Variants in OSCP1 observed in about 807,000 individuals in gnomAD.
The protein encoded by OSCP1 is protein OSCP1.
OSCP1 carries 35 observed loss-of-function variants against 45.1 expected under a neutral mutation model. The ratio of observed to expected loss-of-function variants is 0.78; its 90% CI spans 0.59 to 1.03. The LOEUF is 1.03. OSCP1 is among the 50% of genes least tolerant of loss of function. The probability of loss-of-function intolerance (pLI) is 0.00; values close to 1 mark genes in which losing one functional copy is unlikely to be tolerated. For missense variants in OSCP1, 400 were observed against 470.7 expected (o/e 0.85, Z 1.39); for synonymous variants, 179 against 180.1 (o/e 0.99, Z 0.05).
At chr1:36,418,919 C>G (rs1370514825) in intron 9 of OSCP1, 72 bp downstream of exon 9, 3 of 1,267,562 alleles carry the variant, frequency 2.4e-6, no homozygotes, top group Middle Eastern at 2.0e-4. Context: ...AGAGCGAGAC[C>G]CTGTCTCAAG....
intron 1 of OSCP1, among the ~76,000 whole-genome samples, chr1:36,440,118 G>C (rs1365235709): frequency 6.6e-6 from 1 of 152,180 alleles, no homozygotes; most frequent in African/African-American, 2.4e-5. Context: ...TTGAAATATA[G>C]AAATTCCTTC....
chr1:36,419,783 A>T (rs16822908), intron 8 of OSCP1, among the ~76,000 whole-genome samples: 5,549 of 152,258 alleles, frequency 0.036, 331 homozygotes, highest in African/African-American at 0.13. Context: ...GTTCTCTGAT[A>T]AGTAAAACAT....
At chr1:36,419,180 C>G (rs1570495601) in intron 8 of OSCP1, 126 bp from the exon 9 acceptor site, 1 of 813,052 alleles carries the variant, frequency 1.2e-6, no homozygotes, top group East Asian at 2.4e-5. Context: ...CTTAAACTTT[C>G]TACCCCATCT....
At chr1:36,428,198 A>G in intron 4 of OSCP1, 1 of 1,307,820 alleles carries the variant, frequency 7.6e-7, no homozygotes, top group Non-Finnish European at 9.9e-7. Flanking sequence ...TCAAAAAAAA[A>G]AAAAAAAAAA....
At chr1:36,423,670 A>C (rs140591393) in intron 4 of OSCP1, among the ~76,000 whole-genome samples, 15,499 of 151,822 alleles carry the variant, frequency 0.1, 936 homozygotes, top group East Asian at 0.29. Flanking sequence ...GTCAGGAGAT[A>C]GAGACTATCC....
Position 36,418,159 on chromosome 1 carries a change from C to T in OSCP1, c.1120G>A (p.Ala374Thr), listed in dbSNP as rs747136536. Residue 374 changes from alanine to threonine, a missense_variant, in exon 10 of 10, where the codon GCC (alanine) becomes ACC (threonine). Physicochemically the swap from Ala to Thr is moderately conservative, Grantham distance 58 (BLOSUM62 0). Coordinates refer to ENST00000235532, the MANE Select transcript of OSCP1 (RefSeq NM_145047.5). ...AACAGCTATAACTCATCCATCATGG[C>T]GAGCAAATCGTCCCCTTTGCTGGTG... ...LSTSKGDDLL[A>T]MMDEL 22 of 1,614,142 alleles carry T rather than the reference C, an allele frequency of 1.4e-5. No homozygotes were observed. Among genetic ancestry groups the T allele is most frequent in the Middle Eastern group, 1.6e-4 (1 of 6,062 alleles).
chr1:36,442,260 G>A (rs990989787), intron 1 of OSCP1, among the ~76,000 whole-genome samples: 6 of 151,894 alleles, frequency 4.0e-5, no homozygotes, highest in Non-Finnish European at 2.9e-5. Flanking sequence ...GGCAGGGGAG[G>A]GAAGGGATTT....
chr1:36,448,733 C>G (rs761402150), intron 1 of OSCP1, among the ~76,000 whole-genome samples: 3 of 152,150 alleles, frequency 2.0e-5, no homozygotes, highest in Non-Finnish European at 4.4e-5. Context: ...GAAATACGAA[C>G]AAACATGGTT....
chr1:36,418,782 G>T (rs1032223152), intron 9 of OSCP1, among the ~76,000 whole-genome samples: 11 of 151,026 alleles, frequency 7.3e-5, no homozygotes, highest in Non-Finnish European at 1.6e-4. Flanking sequence ...AAAAAAATTA[G>T]CTGGGCATAT....
At chr1:36,440,149 G>T (rs1649033002) in intron 1 of OSCP1, among the ~76,000 whole-genome samples, 1 of 152,180 alleles carries the variant, frequency 6.6e-6, no homozygotes, top group African/African-American at 2.4e-5. Context: ...GAACACAAAG[G>T]ACACTCCAGA....
In OSCP1 at chr1:36,418,049, T is replaced by C. The variant is rs1647377187; in HGVS notation, c.*90A>G. On this transcript the variant is annotated 3_prime_UTR_variant, in exon 10 of 10. Transcript: ENST00000235532. ...GTAATGGCTTCACTCAGTAGAAAAC[T>C]AGCAGCATCATTCTGGGCCATGGGG... 2.0e-6 allele frequency: 2 copies of C among 981,454 alleles called. No individual in the cohort carries two copies. Among genetic ancestry groups the C allele is most frequent in the African/African-American group, 3.2e-5 (2 of 61,664 alleles). 60.8% of individuals were successfully genotyped at this position (981,454 alleles called of 1,614,324 possible).
At chr1:36,423,532 G>A in intron 4 of OSCP1, 66 bp from the exon 5 acceptor site, 1 of 1,292,610 alleles carries the variant, frequency 7.7e-7, no homozygotes, top group South Asian at 1.3e-5. Flanking sequence ...TATTCTGAGG[G>A]TGGAAAGTGC....
chr1:36,440,512 T>C (rs1649061430), intron 1 of OSCP1, among the ~76,000 whole-genome samples: 1 of 152,138 alleles, frequency 6.6e-6, no homozygotes, highest in Non-Finnish European at 1.5e-5. Context: ...GAGAACCAAA[T>C]CCATTACCAA....
intron 1 of OSCP1, among the ~76,000 whole-genome samples, chr1:36,448,145 G>A (rs1649657169): frequency 6.6e-6 from 1 of 152,104 alleles, no homozygotes. Context: ...TGGAGAAACA[G>A]GTTTATAGAG....
Position 36,432,456 on chromosome 1 carries a change from T to C in OSCP1, c.401A>G (p.Gln134Arg). The C allele has an allele frequency of 6.2e-7, 1 of 1,614,150 alleles. No individual in the cohort carries two copies. The highest frequency in any genetic ancestry group is 8.5e-7 in the Non-Finnish European group (1 of 1,180,010). ...GFIRDSPTIL[Q>R]QVDETLRQLT... ...CTGCCGCAAAGTCTCGTCCACTTGC[T>C]GCAGGATGGTTGGGGAGTCTCGGAT... The change falls in exon 3 of 10, where the codon CAG becomes CGG. Residue 134 changes from glutamine to arginine, a missense_variant. Coordinates refer to ENST00000235532, the MANE Select transcript of OSCP1 (RefSeq NM_145047.5).
chr1:36,427,891 G>T (rs1648077964), intron 4 of OSCP1, among the ~76,000 whole-genome samples: 2 of 151,758 alleles, frequency 1.3e-5, no homozygotes, highest in Non-Finnish European at 2.9e-5. Context: ...AATTCTTCAT[G>T]AGAGTTAAAA....
chr1:36,422,032 C>T, intron 7 of OSCP1, 118 bp downstream of exon 7: 1 of 965,314 alleles, frequency 1.0e-6, no homozygotes, highest in Non-Finnish European at 1.7e-6. Flanking sequence ...GAGAAGATTG[C>T]ACACAACAGG....
At chr1:36,435,198 T>C (rs553578202) in intron 2 of OSCP1, among the ~76,000 whole-genome samples, 1 of 149,806 alleles carries the variant, frequency 6.7e-6, no homozygotes, top group African/African-American at 2.4e-5. Flanking sequence ...CTGCTCAAGC[T>C]ATCCTCCTGT....
At position 36,450,286 on chromosome 1, in the gene OSCP1, C is replaced by G; in HGVS notation, c.84G>C (p.Gln28His). 1 of 1,613,586 alleles carries G rather than the reference C, an allele frequency of 6.2e-7. No individual in the cohort carries two copies. Among genetic ancestry groups the G allele is most frequent in the Non-Finnish European group, 8.5e-7 (1 of 1,179,892 alleles). Residue 28 changes from glutamine (Q) to histidine (H), a missense_variant, in exon 1 of 10, where the codon CAG becomes CAC. Transcript: ENST00000235532. ...LYILDQRLRA[Q>H]NIPGDKARKV... ...TGCGGGCCTTGTCTCCCGGGATGTTCTGGGCCCGCAGCCGTTGGTCGAGGA... is the reference window on the plus strand; with the variant it reads ...TGCGGGCCTTGTCTCCCGGGATGTTGTGGGCCCGCAGCCGTTGGTCGAGGA...
Sources: allele counts gnomAD v4.1 joint callset (sites outside exome capture counted in the v4.1 genomes callset), GRCh38; gene constraint gnomAD v4.1.1; transcripts MANE v1.5; gene names NCBI Gene and HGNC (gene_info 2026-07-23, HGNC 2026-07-21).